FSCN2: variants seen among roughly 807,000 people sequenced by gnomAD.
The protein encoded by FSCN2 is fascin actin-bundling protein 2, retinal.
In FSCN2, 46 loss-of-function variants were observed where a neutral mutation model predicts 37.8. That is an observed-to-expected ratio of 1.22 (90% CI 0.96 to 1.56). The LOEUF is 1.56. Ranked by LOEUF, FSCN2 falls within the 40% of genes most tolerant of loss-of-function variation. The probability of loss-of-function intolerance (pLI) is 0.00; values close to 1 mark genes in which losing one functional copy is unlikely to be tolerated. For synonymous variants in FSCN2, 351 were observed against 309.4 expected (o/e 1.13, Z -1.41); for missense variants, 844 against 730.4 (o/e 1.16, Z -1.79).
the FSCN2 span, among the ~76,000 whole-genome samples, chr17:81,522,236 A>T: frequency 1.3e-5 from 2 of 152,120 alleles, no homozygotes; most frequent in African/African-American, 4.8e-5. Context: ...CGAACTCCTG[A>T]CCTCGTGATC....
chr17:81,517,796 G>A, the FSCN2 span, among the ~76,000 whole-genome samples: 1 of 107,672 alleles, frequency 9.3e-6, no homozygotes, highest in African/African-American at 3.4e-5. Flanking sequence ...TTCCTCCCCA[G>A]AGGCAGCGAG....
chr17:81,529,878 C>T (rs1197722399), intron 1 of FSCN2, among the ~76,000 whole-genome samples: 4 of 152,356 alleles, frequency 2.6e-5, no homozygotes, highest in Non-Finnish European at 2.9e-5. Context: ...GGCGTGATCT[C>T]GGCTCACTGC....
At chr17:81,524,798 C>T (rs529440975), upstream of FSCN2, among the ~76,000 whole-genome samples, 3 of 152,162 alleles carry the variant, frequency 2.0e-5, no homozygotes, top group East Asian at 5.8e-4. Flanking sequence ...AGTAGGCTCT[C>T]AGGCTGGGAT....
intron 1 of FSCN2, among the ~76,000 whole-genome samples, chr17:81,531,764 GGTGATGATA>G (rs2032630467): frequency 7.0e-6 from 1 of 142,162 alleles, no homozygotes. Context: ...TGGCGATGAT[GGTGATGATA>G]GTGATGGTGA....
At chr17:81,517,558 G>GT in the FSCN2 span, among the ~76,000 whole-genome samples, 1 of 152,140 alleles carries the variant, frequency 6.6e-6, no homozygotes, top group Non-Finnish European at 1.5e-5. Context: ...TGTGTCGTGT[G>GT]TGAGACCTGA....
chr17:81,519,328 G>C, the FSCN2 span, among the ~76,000 whole-genome samples: 1 of 152,142 alleles, frequency 6.6e-6, no homozygotes, highest in Non-Finnish European at 1.5e-5. Context: ...CCCCCGGGAC[G>C]CGGCACCGGG....
chr17:81,526,491 C>T (rs1272129537), upstream of FSCN2, among the ~76,000 whole-genome samples: 10 of 152,164 alleles, frequency 6.6e-5, no homozygotes, highest in East Asian at 1.5e-3. Flanking sequence ...ATTAGCCGGG[C>T]ACGGTAGCAA....
chr17:81,518,055 T>A, the FSCN2 span, among the ~76,000 whole-genome samples: 3 of 152,014 alleles, frequency 2.0e-5, no homozygotes, highest in South Asian at 2.1e-4. Context: ...AAATCCCCGC[T>A]GCTCCCAAGG....
At position 81,536,171 on chromosome 17, in the gene FSCN2, G is replaced by A. The variant is rs915562897; in HGVS notation, c.1009G>A (p.Glu337Lys). ...QVSANTMFEM[E>K]WRGRRVALKA... Reference sequence around the variant, plus strand: ...TTCTGCCAACACCATGTTTGAGATGGAGTGGCGTGGCCGGCGGGTAGCACT... The same window carrying A: ...TTCTGCCAACACCATGTTTGAGATGAAGTGGCGTGGCCGGCGGGTAGCACT... Residue 337 changes from glutamate to lysine, a missense_variant, in exon 3 of 5, where the codon GAG (glutamate) becomes AAG (lysine). Coordinates refer to ENST00000417245, the MANE Select transcript of FSCN2 (RefSeq NM_012418.4). 6 of 1,606,106 alleles carry A rather than the reference G, an allele frequency of 3.7e-6. No homozygotes were observed. The African/African-American group carries it at 5.3e-5, about 14-fold the overall frequency.
At chr17:81,532,038 A>ATGG (rs1598575326) in intron 1 of FSCN2, among the ~76,000 whole-genome samples, 2 of 118,220 alleles carry the variant, frequency 1.7e-5, no homozygotes, top group South Asian at 3.1e-4. Context: ...GATGGTGATG[A>ATGG]TGATGGTGAT....
chr17:81,521,139 C>T, the FSCN2 span, among the ~76,000 whole-genome samples: 1 of 152,126 alleles, frequency 6.6e-6, no homozygotes, highest in African/African-American at 2.4e-5. Flanking sequence ...GCGATCTTGG[C>T]CCACCGCAAC....
rs764749597 is a variant in FSCN2 at position 81,535,133 on chromosome 17, G to A, written c.908G>A (p.Cys303Tyr). Residue 303 changes from cysteine (C) to tyrosine (Y), a missense_variant, in exon 2 of 5, where the codon TGC (cysteine) becomes TAC (tyrosine). Physicochemically the swap from Cys to Tyr is radical, Grantham distance 194 (BLOSUM62 -2). Coordinates refer to ENST00000417245, the MANE Select transcript of FSCN2 (RefSeq NM_012418.4). ...LMQIDQETKK[C>Y]TFYSSTGGYW... ...CAAATTGACCAGGAGACAAAGAAGTGCACCTTCTATTCCAGCACTGGGGGC... is the reference window on the plus strand; with the variant it reads ...CAAATTGACCAGGAGACAAAGAAGTACACCTTCTATTCCAGCACTGGGGGC... 9.8e-6 allele frequency: 15 copies of A among 1,533,488 alleles called. No homozygotes were observed. The Admixed American group carries it at 2.0e-4, about 20-fold the overall frequency. 95.0% of individuals were successfully genotyped at this position (1,533,488 alleles called of 1,614,324 possible). A position where few individuals can be genotyped will look rare whatever the true frequency, so the allele number is the denominator to read the frequency against.
chr17:81,520,562 G>A, the FSCN2 span, among the ~76,000 whole-genome samples: 3 of 152,242 alleles, frequency 2.0e-5, no homozygotes, highest in Admixed American at 1.3e-4. Flanking sequence ...TTTGCGTATC[G>A]GCAAGTGCCT....
At chr17:81,517,074 C>T in the FSCN2 span, among the ~76,000 whole-genome samples, 6 of 152,084 alleles carry the variant, frequency 3.9e-5, no homozygotes, top group Non-Finnish European at 5.9e-5. Context: ...TTCTGGAGGG[C>T]GGTGTGGGCA....
the FSCN2 span, among the ~76,000 whole-genome samples, chr17:81,520,060 G>A: frequency 6.6e-6 from 1 of 152,184 alleles, no homozygotes; most frequent in Admixed American, 6.5e-5. Flanking sequence ...AGGCTTCTCC[G>A]GCCTTCCCAG....
At chr17:81,531,651 ATAG>A (rs1206705924) in intron 1 of FSCN2, among the ~76,000 whole-genome samples, 117 of 96,168 alleles carry the variant, frequency 1.2e-3, no homozygotes, top group African/African-American at 5.0e-3. Flanking sequence ...GGTGGTGATG[ATAG>A]TGATGGTGAT....
At chr17:81,533,895 C>T (rs938433212) in intron 1 of FSCN2, among the ~76,000 whole-genome samples, 2 of 152,168 alleles carry the variant, frequency 1.3e-5, no homozygotes, top group African/African-American at 4.8e-5. Flanking sequence ...CTGTGGCTTC[C>T]TTCAGTGCCC....
At chr17:81,524,552 G>C (rs1421361531), upstream of FSCN2, among the ~76,000 whole-genome samples, 4 of 152,234 alleles carry the variant, frequency 2.6e-5, no homozygotes, top group Admixed American at 2.6e-4. Flanking sequence ...CAGGGTGGCA[G>C]GCACGTGTGT....
At chr17:81,530,444 T>C (rs2032512965) in intron 1 of FSCN2, 2 of 363,924 alleles carry the variant, frequency 5.5e-6, no homozygotes, top group Non-Finnish European at 1.1e-5. Context: ...AGCTGAGCTC[T>C]GAGGGAAAAG....
Sources: gnomAD v4.1 joint callset for allele counts (sites outside exome capture counted in the v4.1 genomes callset) on GRCh38, gnomAD v4.1.1 for gene constraint, MANE v1.5 for transcripts, NCBI Gene and HGNC (gene_info 2026-07-23, HGNC 2026-07-21) for gene names.